Variants in GADL1 observed in about 807,000 individuals in gnomAD.
GADL1 encodes the protein acidic amino acid decarboxylase GADL1.
In GADL1, 71 loss-of-function variants were observed where a neutral mutation model predicts 69.5. The ratio of observed to expected loss-of-function variants is 1.02; its 90% confidence interval spans 0.84 to 1.25. The LOEUF (loss-of-function observed/expected upper bound fraction) is 1.25. Ranked by LOEUF, GADL1 falls within the 50% of genes most tolerant of loss-of-function variation. The pLI, the probability that GADL1 is intolerant of heterozygous loss-of-function variation, is 0.00. For missense variants in GADL1, 737 were observed against 631.8 expected, an observed-to-expected ratio of 1.17 and a Z score of -1.79; for synonymous variants, 254 against 214.4, an observed-to-expected ratio of 1.18 and a Z score of -1.62.
At chr3:30,793,926 C>T (rs1194147643) in intron 12 of GADL1, among the ~76,000 whole-genome samples, 1 of 152,144 alleles carries the variant, frequency 6.6e-6, no homozygotes, top group African/African-American at 2.4e-5. Flanking sequence ...ATCTGCTTTC[C>T]GTATGCTCTG....
At chr3:30,845,329 C>G (rs1575231811) in intron 6 of GADL1, among the ~76,000 whole-genome samples, 1 of 152,090 alleles carries the variant, frequency 6.6e-6, no homozygotes, top group East Asian at 1.9e-4. Flanking sequence ...ATATGTCGCT[C>G]TTCATACATT....
At chr3:30,731,731 G>T (rs1695460493) in intron 14 of GADL1, among the ~76,000 whole-genome samples, 2 of 152,156 alleles carry the variant, frequency 1.3e-5, no homozygotes, top group South Asian at 2.1e-4. Flanking sequence ...CTAAGCAAGG[G>T]TTTAACAGTA....
At chr3:30,888,268 A>G (rs556871578) in intron 1 of GADL1, among the ~76,000 whole-genome samples, 2 of 152,344 alleles carry the variant, frequency 1.3e-5, no homozygotes, top group African/African-American at 2.4e-5. Flanking sequence ...AATGGGGCAC[A>G]TAGAAGAGCC....
intron 11 of GADL1, among the ~76,000 whole-genome samples, chr3:30,827,936 A>G (rs534045453): frequency 2.0e-5 from 3 of 151,804 alleles, no homozygotes; most frequent in Non-Finnish European, 4.4e-5. Context: ...TTAAACACCT[A>G]CCTTCCCCTT....
chr3:30,850,190 G>T (rs1007144318), intron 5 of GADL1, 79 bp from the exon 6 acceptor site: 62 of 775,472 alleles, frequency 8.0e-5, no homozygotes, highest in Non-Finnish European at 1.3e-4. Context: ...TGGAAAGCAT[G>T]AATGGCCATG....
intron 1 of GADL1, among the ~76,000 whole-genome samples, chr3:30,874,917 T>C (rs367632232): frequency 4.3e-4 from 66 of 151,996 alleles, no homozygotes; most frequent in African/African-American, 1.3e-3. Flanking sequence ...ACGTACATAA[T>C]TGCTTCGGGG....
chr3:30,751,798 T>A (rs1575183946), intron 14 of GADL1, among the ~76,000 whole-genome samples: 1 of 151,540 alleles, frequency 6.6e-6, no homozygotes, highest in African/African-American at 2.4e-5. Flanking sequence ...TCATAGTTTT[T>A]AGAGGAAAGT....
In GADL1 at chr3:30,876,077, G is replaced by A. The variant is rs12639011; in HGVS notation, c.38-14312C>T. ...CAGTTCCTGCTACAATTGTGTGTAA[G>A]GTCTAATTCCTATAATACATTCCAT... On this transcript the variant is annotated intron_variant, in intron 1 of 14. Coordinates refer to ENST00000282538, the MANE Select transcript of GADL1 (RefSeq NM_207359.3). Among the ~76,000 whole-genome samples, 129 of 152,006 alleles carry A rather than the reference G, an allele frequency of 8.5e-4. 1 individual carries two copies. In the East Asian group the frequency reaches 0.024, roughly 29 times the overall value.
intron 2 of GADL1, 128 bp downstream of exon 2, chr3:30,861,465 C>T (rs1163781194): frequency 4.5e-6 from 3 of 664,292 alleles, no homozygotes; most frequent in Non-Finnish European, 7.6e-6. Context: ...ATCTGGACAT[C>T]CTTTTGAGAC....
intron 1 of GADL1, among the ~76,000 whole-genome samples, chr3:30,876,922 G>C (rs1395825813): frequency 6.6e-6 from 1 of 151,878 alleles, no homozygotes; most frequent in African/African-American, 2.4e-5. Flanking sequence ...TCTATTGGCT[G>C]TCTCCCTGAA....
At chr3:30,791,210 C>T (rs1243309926) in intron 12 of GADL1, among the ~76,000 whole-genome samples, 4 of 152,124 alleles carry the variant, frequency 2.6e-5, no homozygotes, top group Admixed American at 6.6e-5. Context: ...GATGAATATA[C>T]TTCCTACCTA....
chr3:30,837,837 AACAGAT>A (rs1362612222), intron 9 of GADL1, among the ~76,000 whole-genome samples: 1 of 152,158 alleles, frequency 6.6e-6, no homozygotes, highest in Non-Finnish European at 1.5e-5. Context: ...TTGAAATATG[AACAGAT>A]ACAAATGCTA....
At position 30,829,210 on chromosome 3, in the gene GADL1, CTT is replaced by C. The variant is rs1454974242; in HGVS notation, c.1050+4641_1050+4642del. Reference sequence around the variant, plus strand: ...GGTTTTTTTTAAAATCCCTGATTTTCTTTTTATTCCTGTGATTCTTTTTATTC... The same window carrying C: ...GGTTTTTTTTAAAATCCCTGATTTTCTTTATTCCTGTGATTCTTTTTATTC... On this transcript the variant is annotated intron_variant, in intron 11 of 14. Coordinates refer to ENST00000282538, the MANE Select transcript of GADL1 (RefSeq NM_207359.3). 2.6e-5 allele frequency among the ~76,000 whole-genome samples: 4 copies of C among 151,844 alleles called. No individual in the cohort carries two copies. The East Asian group carries it at 7.8e-4, about 30-fold the overall frequency.
At chr3:30,864,159 C>T (rs1698362077) in intron 1 of GADL1, among the ~76,000 whole-genome samples, 1 of 151,872 alleles carries the variant, frequency 6.6e-6, no homozygotes, top group Admixed American at 6.6e-5. Flanking sequence ...TTTTTAGGCC[C>T]TAAAAATAGA....
intron 14 of GADL1, among the ~76,000 whole-genome samples, chr3:30,763,957 A>T (rs1403596985): frequency 1.3e-5 from 2 of 152,288 alleles, no homozygotes; most frequent in African/African-American, 2.4e-5. Flanking sequence ...AAATCTTCCC[A>T]TTGACTTTTT....
intron 11 of GADL1, among the ~76,000 whole-genome samples, chr3:30,819,859 A>G (rs2125516982): frequency 6.6e-6 from 1 of 152,204 alleles, no homozygotes; most frequent in Non-Finnish European, 1.5e-5. Flanking sequence ...TTGAGAAAAT[A>G]TTGTAATGGA....
At chr3:30,771,226 A>G (rs1344966778) in intron 14 of GADL1, among the ~76,000 whole-genome samples, 17 of 152,242 alleles carry the variant, frequency 1.1e-4, no homozygotes, top group Admixed American at 6.5e-5. Flanking sequence ...TCTTCAGCTG[A>G]TTGCTGAAGC....
At chr3:30,770,923 T>C (rs1696405706) in intron 14 of GADL1, among the ~76,000 whole-genome samples, 1 of 152,114 alleles carries the variant, frequency 6.6e-6, no homozygotes, top group Admixed American at 6.5e-5. Flanking sequence ...ACAAAACACA[T>C]CTATGAAAAT....
intron 11 of GADL1, among the ~76,000 whole-genome samples, chr3:30,812,885 G>T (rs927273929): frequency 1.3e-5 from 2 of 152,094 alleles, no homozygotes; most frequent in Admixed American, 6.6e-5. Context: ...AAGGAGAGAA[G>T]AGAGATAGAA....
Sources: gnomAD v4.1 joint callset for allele counts (sites outside exome capture counted in the v4.1 genomes callset) on GRCh38, gnomAD v4.1.1 for gene constraint, MANE v1.5 for transcripts, NCBI Gene and HGNC (gene_info 2026-07-23, HGNC 2026-07-21) for gene names.